The following ADAMTS9 variants were observed in gnomAD, a reference collection of about 807,000 sequenced individuals.
The protein encoded by ADAMTS9 is ADAM metallopeptidase with thrombospondin type 1 motif 9.
A neutral mutation model predicts 257.1 loss-of-function variants in ADAMTS9; 107 were observed. The observed-to-expected ratio is 0.42, with a 90% CI of 0.36 to 0.49. The LOEUF is 0.49. Ranked by LOEUF, ADAMTS9 falls within the 20% of genes least tolerant of loss-of-function variation. The pLI, the probability that ADAMTS9 is intolerant of heterozygous loss-of-function variation, is 0.03. For synonymous variants in ADAMTS9, 982 were observed against 880.9 expected (o/e 1.11, Z -2.03); for missense variants, 2,353 against 2,469.1 (o/e 0.95, Z 1.00).
intron 30 of ADAMTS9, among the ~76,000 whole-genome samples, chr3:64,554,615 G>T (rs1444028354): frequency 6.6e-6 from 1 of 152,120 alleles, no homozygotes; most frequent in African/African-American, 2.4e-5. Flanking sequence ...TTTCCAAAAG[G>T]TTTTCTCTAA....
At chr3:64,585,692 C>T (rs2084130129) in intron 28 of ADAMTS9, among the ~76,000 whole-genome samples, 1 of 152,132 alleles carries the variant, frequency 6.6e-6, no homozygotes, top group Non-Finnish European at 1.5e-5. Flanking sequence ...ATCATCCTGA[C>T]TATCTATATA....
chr3:64,635,080 G>T (rs1700462262), intron 12 of ADAMTS9, among the ~76,000 whole-genome samples: 1 of 152,106 alleles, frequency 6.6e-6, no homozygotes, highest in Non-Finnish European at 1.5e-5. Context: ...GATACTTCAT[G>T]TCAACACTGC....
chr3:64,648,632 A>AT (rs1281621586), intron 10 of ADAMTS9, among the ~76,000 whole-genome samples: 1 of 152,130 alleles, frequency 6.6e-6, no homozygotes. Context: ...TTAAAAGTTT[A>AT]TTTTTTTAAA....
At chr3:64,522,777 C>T (rs145607510) in intron 38 of ADAMTS9, among the ~76,000 whole-genome samples, 49 of 151,902 alleles carry the variant, frequency 3.2e-4, no homozygotes, top group African/African-American at 1.1e-3. Context: ...GTGCTTATTA[C>T]CAGTGTATAC....
At chr3:64,679,809 C>T (rs1321478262) in intron 3 of ADAMTS9, among the ~76,000 whole-genome samples, 3 of 152,210 alleles carry the variant, frequency 2.0e-5, no homozygotes, top group Admixed American at 1.3e-4. Flanking sequence ...AATGGTCTTA[C>T]TAGCACGGTC....
intron 16 of ADAMTS9, among the ~76,000 whole-genome samples, chr3:64,623,863 G>A (rs766515494): frequency 1.4e-4 from 22 of 152,122 alleles, no homozygotes; most frequent in East Asian, 5.8e-4. Context: ...ATGTATCTTC[G>A]GGGAAGAATG....
chr3:64,547,185 T>G (rs1406610299), intron 31 of ADAMTS9, among the ~76,000 whole-genome samples: 1 of 152,154 alleles, frequency 6.6e-6, no homozygotes, highest in African/African-American at 2.4e-5. Context: ...CAGCCCCCAC[T>G]GCAGGTGGGG....
chr3:64,545,299 A>C (rs2083182554), intron 32 of ADAMTS9, among the ~76,000 whole-genome samples: 1 of 152,220 alleles, frequency 6.6e-6, no homozygotes, highest in Non-Finnish European at 1.5e-5. Flanking sequence ...CTATAAAGAC[A>C]CATGCACACG....
intron 2 of ADAMTS9, among the ~76,000 whole-genome samples, chr3:64,684,212 G>C (rs1239348593): frequency 6.6e-6 from 1 of 152,174 alleles, no homozygotes. Context: ...GCCAAATGGA[G>C]TTAGCGATCG....
At chr3:64,614,520 CTT>C (rs2084724827) in intron 21 of ADAMTS9, among the ~76,000 whole-genome samples, 1 of 152,154 alleles carries the variant, frequency 6.6e-6, no homozygotes, top group South Asian at 2.1e-4. Context: ...AGCAGGGAGA[CTT>C]TTTCTTTCCC....
intron 11 of ADAMTS9, among the ~76,000 whole-genome samples, chr3:64,643,125 T>C (rs923606658): frequency 6.6e-6 from 1 of 152,150 alleles, no homozygotes; most frequent in African/African-American, 2.4e-5. Flanking sequence ...ATCTGAACCC[T>C]GGGTGACTCA....
At chr3:64,574,285 T>C (rs2083772950) in intron 28 of ADAMTS9, among the ~76,000 whole-genome samples, 1 of 152,182 alleles carries the variant, frequency 6.6e-6, no homozygotes, top group Non-Finnish European at 1.5e-5. Flanking sequence ...TAAAGAACAC[T>C]GGTTTCTCTC....
Position 64,572,512 on chromosome 3 carries a change from C to T in ADAMTS9, c.4357-3977G>A, listed in dbSNP as rs548715558. Among the ~76,000 whole-genome samples the T allele has an allele frequency of 9.9e-5, 15 of 152,176 alleles. No individual in the cohort carries two copies. In the East Asian group the frequency reaches 1.2e-3, roughly 12 times the overall value. The stretch of plus-strand genomic sequence containing the variant: ...TGGTCCTTTCACTTATACAGAGGAA[C>T]GTGGTTTCTTAGTTATTGAGAAGCC... On this transcript the variant is annotated intron_variant, in intron 28 of 39. Transcript: ENST00000498707.
At position 64,687,739 on chromosome 3, in the gene ADAMTS9, G is replaced by A; in HGVS notation, c.-82C>T. On this transcript the variant is annotated 5_prime_UTR_variant, in exon 1 of 40. Coordinates refer to ENST00000498707, the MANE Select transcript of ADAMTS9 (RefSeq NM_182920.2). This position sits in a 1 kb window ranked among gnomAD's most constrained non-coding sequence, Gnocchi z 4.4. ...GCTGCGGCGGCGACGCGAGGCAGCG[G>A]CCGTGGAGAGCGCGCGGAGCCCGGC... The A allele has an allele frequency of 8.8e-7, 1 of 1,131,072 alleles. No homozygotes were observed. 70.1% of individuals were successfully genotyped at this position (1,131,072 alleles called of 1,614,324 possible).
chr3:64,528,399 C>T (rs1230855999), intron 38 of ADAMTS9, among the ~76,000 whole-genome samples: 2 of 152,146 alleles, frequency 1.3e-5, no homozygotes, highest in Admixed American at 1.3e-4. Context: ...TTCTTTCAGC[C>T]TTCATCTCTG....
rs766291142 is a variant in ADAMTS9, at chr3:64,533,183, C to T, written c.5701G>A (p.Asp1901Asn). Residue 1901 changes from aspartate to asparagine, a missense_variant, in exon 38 of 40, where the codon GAC becomes AAC. By Grantham distance (23) the Asp-to-Asn change is conservative. This residue lies in a region of ADAMTS9 where 1,402 missense variants were observed against 1,441.4 expected (regional missense o/e 0.97). Transcript: ENST00000498707. ...AACCTTACCGGCGACTTCTTGATGT[C>T]AGAGACAGCATAATTCCCTTGTGAT... ...WISQGNYAVS[D>N]IKKSPDGTRV... The T allele has an allele frequency of 5.0e-6, 8 of 1,613,668 alleles. No individual in the cohort carries two copies. The South Asian group carries it at 8.8e-5, about 18-fold the overall frequency.
chr3:64,615,462 C>G lies in ADAMTS9; in HGVS notation c.3048G>C (p.Gly1016=). The G allele has an allele frequency of 1.4e-5, 23 of 1,613,318 alleles. No homozygotes were observed. The highest frequency in any genetic ancestry group is 1.9e-5 in the Non-Finnish European group (23 of 1,179,680). Residue 1016 remains glycine (G), a synonymous_variant, in exon 21 of 40, where the codon GGG becomes GGC. Coordinates refer to ENST00000498707, the MANE Select transcript of ADAMTS9 (RefSeq NM_182920.2). ...WTECSKSCDG[G]TQRRRAICVN... is the part of the protein sequence containing the mutation. ...CACAAATAGCCCTTCTCCTCTGGGT[C>G]CCACCGTCACAGCTTTTTGAACACT...
At chr3:64,664,739 G>A (rs760728003) in intron 3 of ADAMTS9, among the ~76,000 whole-genome samples, 1 of 152,148 alleles carries the variant, frequency 6.6e-6, no homozygotes, top group African/African-American at 2.4e-5. Context: ...GAACATTCAT[G>A]TGCAAGGTTT....
At chr3:64,654,546 A>G (rs370741203) in intron 7 of ADAMTS9, 26 bp downstream of exon 7, 11 of 1,613,746 alleles carry the variant, frequency 6.8e-6, no homozygotes, top group African/African-American at 4.0e-5. Context: ...GGTTTTAGCC[A>G]TAGAAGATAC....
Sources: gnomAD v4.1 joint callset for allele counts (sites outside exome capture counted in the v4.1 genomes callset) on GRCh38, gnomAD v4.1.1 for gene constraint, gnomAD v4.1.1 regional missense constraint, Gnocchi (gnomAD v3.1) non-coding constraint, MANE v1.5 for transcripts, NCBI Gene and HGNC (gene_info 2026-07-23, HGNC 2026-07-21) for gene names.